ZDHHC24: variants seen among roughly 807,000 people sequenced by gnomAD.
The protein encoded by ZDHHC24 is zDHHC palmitoyltransferase 24.
A neutral mutation model predicts 23.2 loss-of-function variants in ZDHHC24; 17 were observed. The observed-to-expected ratio is 0.73, with a 90% CI of 0.50 to 1.10. The LOEUF (loss-of-function observed/expected upper bound fraction) is 1.10, where lower values mean the gene tolerates loss of function less well. Ranked by LOEUF, ZDHHC24 falls within the 50% of genes least tolerant of loss-of-function variation. ZDHHC24 has a pLI of 0.00. For missense variants in ZDHHC24, 366 were observed against 393.0 expected, an observed-to-expected ratio of 0.93 and a Z score of 0.58; for synonymous variants, 186 against 194.5, an observed-to-expected ratio of 0.96 and a Z score of 0.36.
At chr11:66,525,714 G>A (rs1035796797) in intron 4 of ZDHHC24, among the ~76,000 whole-genome samples, 6 of 152,216 alleles carry the variant, frequency 3.9e-5, no homozygotes, top group African/African-American at 1.4e-4. Context: ...GGAGAGAACT[G>A]ACAGAAAAGG....
downstream of ZDHHC24, chr11:66,531,505 A>ACCACACCTGCATCCTCCT: frequency 3.9e-6 from 4 of 1,027,104 alleles, no homozygotes; most frequent in South Asian, 5.2e-5. Flanking sequence ...TCACTTCCCC[A>ACCACACCTGCATCCTCCT]CCACACCTGC....
At chr11:66,527,668 CAAAAAAAAAAAAAAA>C (rs58165767) in intron 3 of ZDHHC24, 1 of 57,968 alleles carries the variant, frequency 1.7e-5, no homozygotes, top group Non-Finnish European at 3.2e-5. Flanking sequence ...GACTCCGTCT[CAAAAAAAAAAAAAAA>C]AAAAAAAAGA....
chr11:66,532,340 G>A (rs561934700), downstream of ZDHHC24: 28 of 441,350 alleles, frequency 6.3e-5, no homozygotes, highest in South Asian at 8.1e-5. Flanking sequence ...GCTCCGAAGC[G>A]GTCAAAGTGA....
Position 66,523,704 on chromosome 11 carries a change from C to T in ZDHHC24, c.*22-2238G>A, listed in dbSNP as rs1189838889. On this transcript the variant is annotated intron_variant, in intron 4 of 4. Coordinates refer to the ZDHHC24 transcript ENST00000526986. Reference sequence around the variant, plus strand: ...CTGTAAGCCCTGAGCCCTCCACAGACGCTGGCTGTTCCCTGCCAGGGGAAG... The same window carrying T: ...CTGTAAGCCCTGAGCCCTCCACAGATGCTGGCTGTTCCCTGCCAGGGGAAG... 8.1e-6 allele frequency: 13 copies of T among 1,610,294 alleles called. No individual in the cohort carries two copies. The highest frequency in any genetic ancestry group is 1.3e-5 in the African/African-American group (1 of 74,936).
At position 66,539,577 on chromosome 11, in the gene ZDHHC24, AT is replaced by A; in HGVS notation, c.806del (p.Asp269ValfsTer30). 1 of 1,609,904 alleles carries A rather than the reference AT, an allele frequency of 6.2e-7. No homozygotes were observed. The highest frequency in any genetic ancestry group is 8.5e-7 in the Non-Finnish European group (1 of 1,177,948). The part of the protein sequence containing the change: ...WPFLASPLPG[D>X]GITFQTTADV... ...CTGCTGTGGTCTGGAAGGTGATCCC[AT>A]CCCCAGGCAATGGGGAGGCCAGGAA... On this transcript the variant is annotated frameshift_variant, in exon 3 of 3. Coordinates refer to ENST00000310442, the MANE Select transcript of ZDHHC24 (RefSeq NM_207340.3). LOFTEE classifies it high-confidence loss of function.
chr11:66,528,558 C>T (rs779979228), intron 3 of ZDHHC24, among the ~76,000 whole-genome samples: 11 of 152,204 alleles, frequency 7.2e-5, no homozygotes, highest in Non-Finnish European at 1.3e-4. Context: ...AGTCCAGAAA[C>T]TGACCCTGAA....
rs749879220 is a variant in ZDHHC24, at chr11:66,521,253, G to C, written c.*235C>G. 3 of 1,602,772 alleles carry C rather than the reference G, an allele frequency of 1.9e-6. No individual in the cohort carries two copies. The East Asian group carries it at 6.7e-5, about 36-fold the overall frequency. ...GGGCTCCAGAGAAATTGGAGTGTTT[G>C]CGCTTCTTGTTTGCAGATGAGCCTT... On this transcript the variant is annotated 3_prime_UTR_variant, in exon 5 of 5. Transcript: ENST00000526986.
In ZDHHC24 at chr11:66,540,642, C is replaced by T. The variant is rs553013737; in HGVS notation, c.560-818G>A. Among the ~76,000 whole-genome samples, 15 of 151,626 alleles carry T rather than the reference C, an allele frequency of 9.9e-5. No individual in the cohort carries two copies. The East Asian group carries it at 1.6e-3, about 16-fold the overall frequency. ...ACTCAGGAGGCTGAGGCAGGATAAT[C>T]GCTTGAACCCGGGAGGTGGAGGCTG... is the stretch of plus-strand genomic sequence containing the variant. On this transcript the variant is annotated intron_variant, in intron 2 of 2. Transcript: ENST00000310442.
In ZDHHC24 at chr11:66,543,887, G is replaced by T; in HGVS notation, c.376C>A (p.Leu126Met). 1 of 1,613,988 alleles carries T rather than the reference G, an allele frequency of 6.2e-7. No individual in the cohort carries two copies. The highest frequency in any genetic ancestry group is 8.5e-7 in the Non-Finnish European group (1 of 1,179,926). The change falls in exon 2 of 3, where the codon CTG becomes ATG. Residue 126 changes from leucine to methionine, a missense_variant. By Grantham distance (15) the Leu-to-Met change is conservative (BLOSUM62 2). Coordinates refer to ENST00000310442, the MANE Select transcript of ZDHHC24 (RefSeq NM_207340.3). The part of the protein sequence containing the change: ...CILRRDHHCR[L>M]LGRCVGFGNY... ...CCGAAGCCCACGCAGCGGCCCAGCA[G>T]GCGGCAGTGGTGGTCCCGACGCAGG...
At chr11:66,526,862 C>A (rs1856532407) in intron 4 of ZDHHC24, 5 of 1,613,982 alleles carry the variant, frequency 3.1e-6, no homozygotes, top group Non-Finnish European at 2.5e-6. Flanking sequence ...TCCTACACAG[C>A]AAAGCTGGGG....
At chr11:66,525,781 A>T (rs551779066) in intron 4 of ZDHHC24, among the ~76,000 whole-genome samples, 1 of 152,204 alleles carries the variant, frequency 6.6e-6, no homozygotes, top group Middle Eastern at 3.2e-3. Flanking sequence ...AACAAAAGCC[A>T]TTGGAGGTTT....
downstream of ZDHHC24, chr11:66,530,997 C>T (rs759763673): frequency 1.2e-5 from 19 of 1,614,098 alleles, no homozygotes; most frequent in Middle Eastern, 1.6e-4. Flanking sequence ...TACAACGAGG[C>T]GCTCTATTCC....
chr11:66,534,443 CAAAAAAAAAAA>C (rs1158925348), downstream of ZDHHC24, among the ~76,000 whole-genome samples: 11 of 26,810 alleles, frequency 4.1e-4, no homozygotes, highest in Non-Finnish European at 5.3e-4. Context: ...AACTCTGTCT[CAAAAAAAAAAA>C]AAAAAAAAAA....
In ZDHHC24 at chr11:66,543,817, A is replaced by G; in HGVS notation, c.446T>C (p.Val149Ala). ...CAGCAGCACAGAGACGTGGAGCAGG[A>G]CGCCGGCGGCATGAAGCAGCAGGCA... The part of the protein sequence containing the change: ...FLCLLLHAAG[V>A]LLHVSVLLGP... The change falls in exon 2 of 3, where the codon GTC becomes GCC. Residue 149 changes from valine (V) to alanine (A), a missense_variant. Val to Ala is a moderately conservative substitution (Grantham distance 64). Coordinates refer to ENST00000310442, the MANE Select transcript of ZDHHC24 (RefSeq NM_207340.3). 6.2e-7 allele frequency: 1 copy of G among 1,613,660 alleles called. No individual in the cohort carries two copies.
In ZDHHC24 at chr11:66,523,512, T is replaced by C. The variant is rs145094101; in HGVS notation, c.*22-2046A>G. On this transcript the variant is annotated intron_variant, in intron 4 of 4. Coordinates refer to the ZDHHC24 transcript ENST00000526986. ...CTGAGCGCCCAGCCTGTGGGACTTA[T>C]CCGGGTACACAAGGTCCTAGTGGTG... 167 of 1,614,074 alleles carry C rather than the reference T, an allele frequency of 1.0e-4. No individual in the cohort carries two copies. The highest frequency in any genetic ancestry group is 5.5e-4 in the African/African-American group (41 of 75,004).
At chr11:66,542,089 G>A (rs1857168106) in intron 2 of ZDHHC24, among the ~76,000 whole-genome samples, 1 of 152,112 alleles carries the variant, frequency 6.6e-6, no homozygotes, top group African/African-American at 2.4e-5. Context: ...TCGGGGAGTT[G>A]AGGACAGCAC....
chr11:66,533,270 TA>T (rs1565292075), downstream of ZDHHC24: 1 of 152,206 alleles, frequency 6.6e-6, no homozygotes, highest in African/African-American at 2.4e-5. Flanking sequence ...TAAAAACACA[TA>T]CCCACTTACT....
downstream of ZDHHC24, chr11:66,530,812 G>T: frequency 1.9e-6 from 3 of 1,586,378 alleles, no homozygotes; most frequent in Non-Finnish European, 2.6e-6. Context: ...GAGGGCATTG[G>T]TGGAAGGCAG....
chr11:66,540,384 G>A (rs923424728), intron 2 of ZDHHC24, among the ~76,000 whole-genome samples: 3 of 132,888 alleles, frequency 2.3e-5, no homozygotes, highest in African/African-American at 8.7e-5. Context: ...CTGAGATCAC[G>A]CCACTGCACT....
Sources: allele counts gnomAD v4.1 joint callset (sites outside exome capture counted in the v4.1 genomes callset), GRCh38; gene constraint gnomAD v4.1.1; transcripts MANE v1.5; gene names NCBI Gene and HGNC (gene_info 2026-07-23, HGNC 2026-07-21).